Variants in COX10 observed in about 807,000 individuals in gnomAD.
COX10 encodes the protein protoheme IX farnesyltransferase, mitochondrial.
In COX10, 27 loss-of-function variants were observed where a neutral mutation model predicts 37.3. The observed-to-expected ratio is 0.72, with a 90% CI of 0.53 to 1.00. The LOEUF is 1.00. Among genes scored for constraint, COX10 ranks in the 50% least tolerant of loss-of-function variants. The pLI is 0.00. For synonymous variants in COX10, 222 were observed against 229.1 expected (o/e 0.97, Z 0.28); for missense variants, 475 against 563.2 (o/e 0.84, Z 1.59).
intron 5 of COX10, among the ~76,000 whole-genome samples, chr17:14,187,301 G>A (rs1906063390): frequency 6.6e-6 from 1 of 152,042 alleles, no homozygotes; most frequent in African/African-American, 2.4e-5. Flanking sequence ...ATCCCAACAT[G>A]CTTTTTGATT....
At chr17:14,100,778 C>T (rs142077012) in intron 3 of COX10, among the ~76,000 whole-genome samples, 75 of 152,242 alleles carry the variant, frequency 4.9e-4, no homozygotes, top group African/African-American at 1.8e-3. Flanking sequence ...AAAAACATCA[C>T]TCTGAAGAGA....
chr17:14,174,545 C>G (rs1299918670), intron 5 of COX10, among the ~76,000 whole-genome samples: 1 of 151,472 alleles, frequency 6.6e-6, no homozygotes, highest in Non-Finnish European at 1.5e-5. Context: ...AAAAGATTTT[C>G]AACGTCAGTA....
At chr17:14,132,667 G>A (rs922485467) in intron 4 of COX10, among the ~76,000 whole-genome samples, 10 of 151,362 alleles carry the variant, frequency 6.6e-5, no homozygotes, top group Admixed American at 2.0e-4. Context: ...TATATTCATA[G>A]TTTAACCTCT....
At chr17:14,148,151 A>G (rs1283135735) in intron 4 of COX10, among the ~76,000 whole-genome samples, 1 of 152,186 alleles carries the variant, frequency 6.6e-6, no homozygotes, top group East Asian at 1.9e-4. Context: ...AGAGGGCCTG[A>G]GTAATCTGTT....
intron 5 of COX10, among the ~76,000 whole-genome samples, chr17:14,164,322 A>G (rs1905231897): frequency 6.6e-6 from 1 of 152,160 alleles, no homozygotes. Context: ...CTTTATGAAT[A>G]AGGTTTGTCT....
intron 4 of COX10, among the ~76,000 whole-genome samples, chr17:14,110,742 G>T (rs1915991590): frequency 6.6e-6 from 1 of 152,034 alleles, no homozygotes; most frequent in South Asian, 2.1e-4. Context: ...ATCTGGGTTA[G>T]ATTGACTGTT....
At chr17:14,174,524 G>A (rs1394682618) in intron 5 of COX10, among the ~76,000 whole-genome samples, 13 of 150,994 alleles carry the variant, frequency 8.6e-5, no homozygotes, top group Middle Eastern at 3.5e-3. Flanking sequence ...AAATACAGGC[G>A]TTAAATAAGC....
At chr17:14,132,485 C>A (rs73979164) in intron 4 of COX10, among the ~76,000 whole-genome samples, 156 of 151,810 alleles carry the variant, frequency 1.0e-3, no homozygotes, top group Non-Finnish European at 1.9e-3. Context: ...TTTATAAGCC[C>A]TTTACCGAAT....
chr17:14,165,755 A>G (rs1413787430), intron 5 of COX10, among the ~76,000 whole-genome samples: 1 of 152,356 alleles, frequency 6.6e-6, no homozygotes, highest in East Asian at 1.9e-4. Context: ...CCAAACAGCC[A>G]TGTTGTGAAT....
At chr17:14,087,146 G>A (rs1397682509) in intron 3 of COX10, among the ~76,000 whole-genome samples, 2 of 152,136 alleles carry the variant, frequency 1.3e-5, no homozygotes, top group African/African-American at 4.8e-5. Context: ...TGAGTGTTGT[G>A]GACAGAATAA....
chr17:14,129,308 A>G (rs1349906848), intron 4 of COX10, among the ~76,000 whole-genome samples: 1 of 151,860 alleles, frequency 6.6e-6, no homozygotes, highest in Non-Finnish European at 1.5e-5. Flanking sequence ...AAATATATAA[A>G]TATGTAAATG....
intron 5 of COX10, among the ~76,000 whole-genome samples, chr17:14,164,602 A>G (rs562989183): frequency 6.6e-6 from 1 of 152,132 alleles, no homozygotes; most frequent in East Asian, 1.9e-4. Flanking sequence ...TCCAGATTTC[A>G]TCATTTGGGA....
At chr17:14,134,132 G>A (rs1916526986) in intron 4 of COX10, among the ~76,000 whole-genome samples, 1 of 151,596 alleles carries the variant, frequency 6.6e-6, no homozygotes, top group African/African-American at 2.4e-5. Context: ...TAGACTCCAT[G>A]ATGCCCTCAA....
intron 4 of COX10, among the ~76,000 whole-genome samples, chr17:14,133,112 G>A (rs1916502433): frequency 1.3e-5 from 2 of 151,714 alleles, no homozygotes; most frequent in South Asian, 4.1e-4. Context: ...GCTTAATGTT[G>A]ATTTGATAAA....
rs902477597 is a variant in COX10, at chr17:14,152,136, A to G, written c.625-7741A>G. The stretch of plus-strand genomic sequence containing the variant: ...TTTGTATCAGTCAAAGTTTGATCAG[A>G]ATGTCAGAACCACTATGCAGGATAT... On this transcript the variant is annotated intron_variant, in intron 4 of 6. Coordinates refer to ENST00000261643, the MANE Select transcript of COX10 (RefSeq NM_001303.4). Among the ~76,000 whole-genome samples, 5 of 152,186 alleles carry G rather than the reference A, an allele frequency of 3.3e-5. No homozygotes were observed. In the South Asian group the frequency reaches 1.0e-3, roughly 32 times the overall value.
At chr17:14,124,187 T>C (rs1048646623) in intron 4 of COX10, among the ~76,000 whole-genome samples, 44 of 152,204 alleles carry the variant, frequency 2.9e-4, no homozygotes, top group African/African-American at 9.6e-4. Context: ...GTGACCACTC[T>C]GTTAGACTTG....
At chr17:14,168,455 A>G (rs139713179) in intron 5 of COX10, among the ~76,000 whole-genome samples, 1 of 152,352 alleles carries the variant, frequency 6.6e-6, no homozygotes, top group East Asian at 1.9e-4. Flanking sequence ...GCAGTGCTCT[A>G]GTGGGGACTC....
intron 3 of COX10, among the ~76,000 whole-genome samples, chr17:14,100,527 GAGA>G (rs1915753491): frequency 6.6e-6 from 1 of 152,166 alleles, no homozygotes; most frequent in Non-Finnish European, 1.5e-5. Flanking sequence ...TCTGAAGGAT[GAGA>G]AGGAGCCAGC....
intron 5 of COX10, among the ~76,000 whole-genome samples, chr17:14,176,024 G>C (rs1401199937): frequency 2.0e-5 from 3 of 152,142 alleles, no homozygotes; most frequent in African/African-American, 7.2e-5. Context: ...TCAGATTTAG[G>C]TTAAAAGAAC....
Sources: gnomAD v4.1 joint callset for allele counts (sites outside exome capture counted in the v4.1 genomes callset) on GRCh38, gnomAD v4.1.1 for gene constraint, MANE v1.5 for transcripts, NCBI Gene and HGNC (gene_info 2026-07-23, HGNC 2026-07-21) for gene names.